SLC39A6: variants seen among roughly 807,000 people sequenced by gnomAD.
The protein encoded by SLC39A6 is solute carrier family 39 member 6, also known as zinc transporter ZIP6.
SLC39A6 carries 51 observed loss-of-function variants against 63.5 expected under a neutral mutation model. The ratio of observed to expected loss-of-function variants is 0.80; its 90% CI spans 0.64 to 1.01. The LOEUF (loss-of-function observed/expected upper bound fraction) is 1.01, where lower values mean the gene tolerates loss of function less well. Ranked by LOEUF, SLC39A6 falls within the 50% of genes least tolerant of loss-of-function variation. SLC39A6 has a pLI of 0.00. For synonymous variants in SLC39A6, 318 were observed against 324.7 expected (o/e 0.98, Z 0.22); for missense variants, 805 against 927.8 (o/e 0.87, Z 1.72).
In SLC39A6 at chr18:36,109,387, C is replaced by T. The variant is rs982457879; in HGVS notation, c.*206G>A. 5.0e-6 allele frequency: 2 copies of T among 397,412 alleles called. No homozygotes were observed. The highest frequency in any genetic ancestry group is 9.0e-6 in the Non-Finnish European group (2 of 222,518). The allele number at this position is 397,412 out of a possible 1,614,324, so 24.6% of individuals were successfully genotyped here. A position where few individuals can be genotyped will look rare whatever the true frequency, so the allele number is the denominator to read the frequency against. On this transcript the variant is annotated 3_prime_UTR_variant, in exon 10 of 10. Transcript: ENST00000269187. ...ATAAACTGGTAATACCGGTGAATTGCACATACAGATTTTATCTCCAAGATA... is the reference window on the plus strand; with the variant it reads ...ATAAACTGGTAATACCGGTGAATTGTACATACAGATTTTATCTCCAAGATA...
rs928962414 is a variant in SLC39A6, at chr18:36,120,809, G to A, written c.1359+1243C>T. On this transcript the variant is annotated intron_variant, in intron 5 of 9. Transcript: ENST00000269187. The stretch of plus-strand genomic sequence containing the variant: ...TGCCTGGTAGGGGATACTTAATTCC[G>A]TGAACACAAAAGCTGAATACTTGGA... 5.3e-5 allele frequency among the ~76,000 whole-genome samples: 8 copies of A among 152,210 alleles called. No homozygotes were observed. In the South Asian group the frequency reaches 1.0e-3, roughly 20 times the overall value.
In SLC39A6 at chr18:36,127,136, G is replaced by A. The variant is rs1247279996; in HGVS notation, c.-9-120C>T. 1.2e-5 allele frequency: 10 copies of A among 808,284 alleles called. No homozygotes were observed. The South Asian group carries it at 1.3e-4, about 11-fold the overall frequency. The allele number at this position is 808,284 out of a possible 1,614,324, so 50.1% of individuals were successfully genotyped here. A position where few individuals can be genotyped will look rare whatever the true frequency, so the allele number is the denominator to read the frequency against. ...CAAAGTTGCCAGAGCATCATGTGGT[G>A]TGACCAGTGTGACGCTAGGTACTGT... is the stretch of plus-strand genomic sequence containing the variant. On this transcript the variant is annotated intron_variant, in intron 1 of 9. Coordinates refer to ENST00000269187, the MANE Select transcript of SLC39A6 (RefSeq NM_012319.4).
chr18:36,128,734 G>A (rs1170098368), intron 1 of SLC39A6, among the ~76,000 whole-genome samples: 1 of 152,164 alleles, frequency 6.6e-6, no homozygotes, highest in East Asian at 1.9e-4. Context: ...TGTGCTGGAG[G>A]AAAAAGGAAA....
intron 8 of SLC39A6, among the ~76,000 whole-genome samples, chr18:36,111,890 T>G (rs2089303604): frequency 6.6e-6 from 1 of 152,154 alleles, no homozygotes; most frequent in Admixed American, 6.5e-5. Context: ...AGCTTGGAAT[T>G]TGGCCACAAA....
chr18:36,123,619 G>C lies in SLC39A6; in HGVS notation c.1016C>G (p.Ser339Cys). Residue 339 changes from serine (S) to cysteine (C), a missense_variant, in exon 4 of 10, where the codon TCT (serine) becomes TGT (cysteine). Ser to Cys is a moderately radical substitution (Grantham distance 112). Transcript: ENST00000269187. ...AGGCACTAAGATAACCCCCAGCAGA[G>C]ACAGGAAACTGATGATGGAAATGGC... The part of the protein sequence containing the change: ...FIAISIISFL[S>C]LLGVILVPLM... 6.2e-7 allele frequency: 1 copy of C among 1,611,604 alleles called. No homozygotes were observed. The highest frequency in any genetic ancestry group is 8.5e-7 in the Non-Finnish European group (1 of 1,179,366).
At chr18:36,117,333 C>T (rs1488134373) in intron 5 of SLC39A6, among the ~76,000 whole-genome samples, 1 of 152,244 alleles carries the variant, frequency 6.6e-6, no homozygotes, top group African/African-American at 2.4e-5. Flanking sequence ...CTTCTGCACA[C>T]TGAAACCCCA....
At chr18:36,119,503 A>G (rs953254358) in intron 5 of SLC39A6, among the ~76,000 whole-genome samples, 1 of 152,102 alleles carries the variant, frequency 6.6e-6, no homozygotes, top group African/African-American at 2.4e-5. Flanking sequence ...GCATCAAACT[A>G]CTCTGACTAT....
chr18:36,123,735 A>C, intron 3 of SLC39A6, 71 bp from the exon 4 acceptor site: 1 of 1,448,182 alleles, frequency 6.9e-7, no homozygotes, highest in Non-Finnish European at 9.3e-7. Flanking sequence ...AGACTTTTGG[A>C]GAGTAGCATA....
intron 2 of SLC39A6, 70 bp downstream of exon 2, chr18:36,126,149 C>T: frequency 7.2e-7 from 1 of 1,380,022 alleles, no homozygotes; most frequent in Non-Finnish European, 1.0e-6. Context: ...CTCCTCATAA[C>T]TAGAGATAGA....
rs752874949 is a variant in SLC39A6, at chr18:36,126,921, G to A, written c.87C>T (p.Phe29=). 7 of 1,614,174 alleles carry A rather than the reference G, an allele frequency of 4.3e-6. No homozygotes were observed. The South Asian group carries it at 6.6e-5, about 15-fold the overall frequency. The change falls in exon 2 of 10, where the codon TTC becomes TTT. Residue 29 remains phenylalanine (F), a synonymous_variant. Transcript: ENST00000269187. The part of the protein sequence containing the change: ...NPLHELKAAA[F]PQTTEKISPN... ...GACTAATTTTCTCAGTGGTCTGGGG[G>A]AAAGCAGCTGCTTTTAGTTCATGAA...
At chr18:36,115,397 G>A (rs1019984239) in intron 6 of SLC39A6, among the ~76,000 whole-genome samples, 9 of 150,398 alleles carry the variant, frequency 6.0e-5, no homozygotes, top group Admixed American at 4.0e-4. Flanking sequence ...AGCTGGGATC[G>A]CACCACTGCA....
intron 4 of SLC39A6, among the ~76,000 whole-genome samples, chr18:36,122,564 A>G (rs1292086968): frequency 6.6e-6 from 1 of 152,226 alleles, no homozygotes; most frequent in African/African-American, 2.4e-5. Flanking sequence ...CAGGAATACT[A>G]GACTTAATGT....
rs780025644 is a variant in SLC39A6 at position 36,111,171 on chromosome 18, G to A, written c.2003C>T (p.Ala668Val). 1.9e-6 allele frequency: 3 copies of A among 1,613,966 alleles called. No individual in the cohort carries two copies. The highest frequency in any genetic ancestry group is 2.5e-6 in the Non-Finnish European group (3 of 1,179,906). Residue 668 changes from alanine (A) to valine (V), a missense_variant, in exon 9 of 10, where the codon GCG becomes GTG. Ala to Val is a moderately conservative substitution (Grantham distance 64). Around this residue, in one of 4 missense-constraint regions of SLC39A6, gnomAD observed 145 missense variants for 227.2 expected, o/e 0.64. Coordinates refer to ENST00000269187, the MANE Select transcript of SLC39A6 (RefSeq NM_012319.4). ...AATTCCTGTTGCCATTCCAAGATACGCCAGCATGGCTGACAATGCATTATA... is the reference window on the plus strand; with the variant it reads ...AATTCCTGTTGCCATTCCAAGATACACCAGCATGGCTGACAATGCATTATA... ...VLYNALSAML[A>V]YLGMATGIFI... is the part of the protein sequence containing the mutation.
chr18:36,110,761 C>T (rs1022588947), intron 9 of SLC39A6, among the ~76,000 whole-genome samples: 3 of 151,978 alleles, frequency 2.0e-5, no homozygotes, highest in Non-Finnish European at 2.9e-5. Flanking sequence ...AGCCTGGTCT[C>T]GAACTCCTGA....
rs1228523059 is a variant in SLC39A6 at position 36,109,550 on chromosome 18, A to C, written c.*43T>G. ...AACTCATCTCCCTATGACCTACTGAAACTATGACAACTTTTTAAGCTACTC... is the reference window on the plus strand; with the variant it reads ...AACTCATCTCCCTATGACCTACTGACACTATGACAACTTTTTAAGCTACTC... On this transcript the variant is annotated 3_prime_UTR_variant, in exon 10 of 10. Coordinates refer to ENST00000269187, the MANE Select transcript of SLC39A6 (RefSeq NM_012319.4). 6.6e-7 allele frequency: 1 copy of C among 1,522,704 alleles called. No homozygotes were observed. Among genetic ancestry groups the C allele is most frequent in the Non-Finnish European group, 9.0e-7 (1 of 1,105,562 alleles). The allele number at this position is 1,522,704 out of a possible 1,614,324, so 94.3% of individuals were successfully genotyped here.
In SLC39A6 at chr18:36,108,947, T is replaced by C. The variant is rs1472872339; in HGVS notation, c.*646A>G. The C allele has an allele frequency of 6.6e-6, 1 of 152,220 alleles. No homozygotes were observed. The highest frequency in any genetic ancestry group is 2.4e-5 in the African/African-American group (1 of 41,470). 9.4% of individuals were successfully genotyped at this position (152,220 alleles called of 1,614,324 possible). A position where few individuals can be genotyped will look rare whatever the true frequency, so the allele number is the denominator to read the frequency against. ...ATTAAATATATTTAGATTTCTGTATTATACAAAGTTAAATGTACAACTAAA... is the reference window on the plus strand; with the variant it reads ...ATTAAATATATTTAGATTTCTGTATCATACAAAGTTAAATGTACAACTAAA... On this transcript the variant is annotated 3_prime_UTR_variant, in exon 10 of 10. Coordinates refer to ENST00000269187, the MANE Select transcript of SLC39A6 (RefSeq NM_012319.4).
intron 4 of SLC39A6, among the ~76,000 whole-genome samples, chr18:36,122,611 C>T (rs1251806184): frequency 6.6e-6 from 1 of 152,126 alleles, no homozygotes; most frequent in East Asian, 1.9e-4. Flanking sequence ...AACTGAAAAG[C>T]CCATACCAAT....
chr18:36,114,478 G>C lies in SLC39A6; in HGVS notation c.1466-4C>G. The C allele has an allele frequency of 6.2e-7, 1 of 1,603,676 alleles. No individual in the cohort carries two copies. ...GCTCGTAAATAGCCTTCAGTTCCTA[G>C]GAATAAACATAAAGGGCATGGGGAC... On this transcript the variant is annotated splice_region_variant and splice_polypyrimidine_tract_variant and intron_variant, in intron 6 of 9. Transcript: ENST00000269187.
chr18:36,116,096 G>A (rs1442176911), intron 6 of SLC39A6, among the ~76,000 whole-genome samples: 1 of 152,186 alleles, frequency 6.6e-6, no homozygotes, highest in Non-Finnish European at 1.5e-5. Flanking sequence ...CAATATTTTG[G>A]TGGGGGTTGG....
Sources: allele counts gnomAD v4.1 joint callset (sites outside exome capture counted in the v4.1 genomes callset), GRCh38; gene constraint gnomAD v4.1.1; regional missense constraint gnomAD v4.1.1; transcripts MANE v1.5; gene names NCBI Gene and HGNC (gene_info 2026-07-23, HGNC 2026-07-21).